COL21A1: variants seen among roughly 807,000 people sequenced by gnomAD.
The protein encoded by COL21A1 is collagen alpha-1(XXI) chain.
Under a neutral mutation model 137.9 loss-of-function variants are expected in COL21A1, and 149 were observed. That is an observed-to-expected ratio of 1.08 (90% CI 0.95 to 1.24). COL21A1 has a LOEUF of 1.24. Ranked by LOEUF, COL21A1 falls within the 50% of genes most tolerant of loss-of-function variation. The probability of loss-of-function intolerance (pLI) is 0.00; values close to 1 mark genes in which losing one functional copy is unlikely to be tolerated. For missense variants in COL21A1, 1,167 were observed against 1,158.4 expected (o/e 1.01, Z -0.11); for synonymous variants, 456 against 391.5 (o/e 1.16, Z -1.95).
rs79838423 is a variant in COL21A1 at position 56,064,246 on chromosome 6, C to T, written c.2172+332G>A. Among the ~76,000 whole-genome samples the T allele has an allele frequency of 6.6e-5, 10 of 152,164 alleles. No homozygotes were observed. In the East Asian group the frequency reaches 1.9e-3, roughly 30 times the overall value. On this transcript the variant is annotated intron_variant, in intron 24 of 29. Coordinates refer to ENST00000244728, the MANE Select transcript of COL21A1 (RefSeq NM_030820.4). ...AGCAAGACAAACCAGCAGGGATGAA[C>T]AAGCTGCCATTGTGTGACTGGCTGT...
intron 1 of COL21A1, among the ~76,000 whole-genome samples, chr6:56,222,453 A>G (rs990950649): frequency 2.6e-5 from 4 of 152,138 alleles, no homozygotes; most frequent in African/African-American, 2.4e-5. Flanking sequence ...AAGCTCTAAT[A>G]TTTCATGCCT....
intron 1 of COL21A1, among the ~76,000 whole-genome samples, chr6:56,389,230 C>T (rs779166847): frequency 5.3e-5 from 8 of 151,858 alleles, no homozygotes; most frequent in African/African-American, 1.5e-4. Context: ...GGTGTGGTGG[C>T]GTGCACCTGT....
intron 1 of COL21A1, among the ~76,000 whole-genome samples, chr6:56,303,956 T>G (rs1764369024): frequency 6.6e-6 from 1 of 152,240 alleles, no homozygotes; most frequent in Non-Finnish European, 1.5e-5. Flanking sequence ...TGTTGAGTTT[T>G]GTCAAAGGCC....
chr6:56,221,894 C>T (rs1260545084), intron 1 of COL21A1, among the ~76,000 whole-genome samples: 2 of 151,944 alleles, frequency 1.3e-5, no homozygotes, highest in Non-Finnish European at 2.9e-5. Flanking sequence ...AAAAGCAAAT[C>T]GAGAAAGCTA....
chr6:56,294,387 T>C (rs566416993), intron 1 of COL21A1, among the ~76,000 whole-genome samples: 1 of 152,234 alleles, frequency 6.6e-6, no homozygotes, highest in East Asian at 1.9e-4. Flanking sequence ...CTACAATGTA[T>C]ATTCAAGTGA....
intron 3 of COL21A1, among the ~76,000 whole-genome samples, chr6:56,174,529 G>A (rs985522409): frequency 2.6e-5 from 4 of 151,878 alleles, no homozygotes; most frequent in East Asian, 1.9e-4. Context: ...CACTATGAAC[G>A]ACTATATATC....
chr6:56,143,361 C>T (rs569359125), intron 10 of COL21A1, among the ~76,000 whole-genome samples: 1 of 151,930 alleles, frequency 6.6e-6, no homozygotes, highest in East Asian at 1.9e-4. Context: ...CCACCACACC[C>T]AGCTAATTTT....
chr6:56,274,563 C>G (rs1423034556), intron 1 of COL21A1, among the ~76,000 whole-genome samples: 3 of 152,046 alleles, frequency 2.0e-5, no homozygotes, highest in Non-Finnish European at 4.4e-5. Flanking sequence ...TTTCTATACA[C>G]CAATTACATT....
At chr6:56,303,267 C>A (rs562764899) in intron 1 of COL21A1, among the ~76,000 whole-genome samples, 72 of 152,178 alleles carry the variant, frequency 4.7e-4, no homozygotes, top group African/African-American at 1.6e-3. Flanking sequence ...TTCTGTGAAG[C>A]AAGTCACAAA....
chr6:56,148,184 CA>C (rs2152245558), intron 10 of COL21A1, among the ~76,000 whole-genome samples: 1 of 152,242 alleles, frequency 6.6e-6, no homozygotes, highest in African/African-American at 2.4e-5. Flanking sequence ...ACATTTCATA[CA>C]GCGATGCCTT....
chr6:56,203,604 G>T (rs141873599), intron 1 of COL21A1, among the ~76,000 whole-genome samples: 1 of 152,210 alleles, frequency 6.6e-6, no homozygotes, highest in Non-Finnish European at 1.5e-5. Flanking sequence ...TTAGATCAAC[G>T]GGACCCAAGA....
At chr6:56,370,650 C>T (rs1036191935) in intron 1 of COL21A1, among the ~76,000 whole-genome samples, 1 of 152,166 alleles carries the variant, frequency 6.6e-6, no homozygotes, top group African/African-American at 2.4e-5. Flanking sequence ...AGCATAAAAT[C>T]TAGTTAAGAG....
intron 12 of COL21A1, among the ~76,000 whole-genome samples, chr6:56,136,056 C>T (rs1773975390): frequency 6.6e-6 from 1 of 152,170 alleles, no homozygotes; most frequent in African/African-American, 2.4e-5. Context: ...TGTTAAAATA[C>T]ATGTGGTTTG....
At chr6:56,275,501 A>G (rs1763621628) in intron 1 of COL21A1, among the ~76,000 whole-genome samples, 1 of 152,138 alleles carries the variant, frequency 6.6e-6, no homozygotes, top group South Asian at 2.1e-4. Flanking sequence ...ATAAGGATCT[A>G]AAACAAATCA....
intron 3 of COL21A1, among the ~76,000 whole-genome samples, chr6:56,176,281 C>T (rs1369378941): frequency 6.6e-6 from 1 of 151,692 alleles, no homozygotes. Context: ...GGGATTACAG[C>T]AAACTAAAAA....
At chr6:56,102,280 G>A (rs1770528101) in intron 16 of COL21A1, among the ~76,000 whole-genome samples, 1 of 152,032 alleles carries the variant, frequency 6.6e-6, no homozygotes, top group South Asian at 2.1e-4. Flanking sequence ...TAAACTATCT[G>A]AGCAAAATAA....
At chr6:56,314,886 G>A (rs566606072) in intron 1 of COL21A1, among the ~76,000 whole-genome samples, 41 of 152,196 alleles carry the variant, frequency 2.7e-4, no homozygotes, top group African/African-American at 9.9e-4. Flanking sequence ...ACCACTAGAG[G>A]GCAGGACAGC....
chr6:56,168,727 C>G lies in COL21A1; in HGVS notation c.1027-430G>C, dbSNP rs1354544662. 3.3e-5 allele frequency among the ~76,000 whole-genome samples: 5 copies of G among 152,046 alleles called. No homozygotes were observed. In the South Asian group the frequency reaches 8.3e-4, roughly 25 times the overall value. On this transcript the variant is annotated intron_variant, in intron 5 of 29. Transcript: ENST00000244728. ...TTTCATTTCTTCCTCCCTAGTTGCT[C>G]ATTCTCTCTCTCTGTCTCTGAGTGT...
chr6:56,298,281 A>G (rs1764204535), intron 1 of COL21A1, among the ~76,000 whole-genome samples: 1 of 152,034 alleles, frequency 6.6e-6, no homozygotes, highest in African/African-American at 2.4e-5. Context: ...ACAATTTTAG[A>G]TATATTTAAC....
Sources: gnomAD v4.1 joint callset for allele counts (sites outside exome capture counted in the v4.1 genomes callset) on GRCh38, gnomAD v4.1.1 for gene constraint, MANE v1.5 for transcripts, NCBI Gene and HGNC (gene_info 2026-07-23, HGNC 2026-07-21) for gene names.